Variants in AK5 observed in about 807,000 individuals in gnomAD.
The protein encoded by AK5 is adenylate kinase 5, also known as adenylate kinase isoenzyme 5.
Under a neutral mutation model 69.5 loss-of-function variants are expected in AK5, and 27 were observed. The ratio of observed to expected loss-of-function variants is 0.39; its 90% confidence interval spans 0.29 to 0.54. AK5 has a LOEUF of 0.54. Among genes scored for constraint, AK5 ranks in the 20% least tolerant of loss-of-function variants. The probability of loss-of-function intolerance (pLI) is 0.71; values close to 1 mark genes in which losing one functional copy is unlikely to be tolerated. For missense variants in AK5, 531 were observed against 700.4 expected, an observed-to-expected ratio of 0.76 and a Z score of 2.73; for synonymous variants, 260 against 244.4, an observed-to-expected ratio of 1.06 and a Z score of -0.60.
At chr1:77,376,575 A>G (rs1368259415) in intron 6 of AK5, among the ~76,000 whole-genome samples, 1 of 151,628 alleles carries the variant, frequency 6.6e-6, no homozygotes. Context: ...AACCATTAAC[A>G]TTTTAATGTT....
chr1:77,369,874 G>C (rs1212017635), intron 6 of AK5, among the ~76,000 whole-genome samples: 1 of 152,212 alleles, frequency 6.6e-6, no homozygotes, highest in African/African-American at 2.4e-5. Context: ...ACAAGTTTTA[G>C]AGTTAAGAGT....
chr1:77,450,480 A>G (rs1653075993), intron 8 of AK5, among the ~76,000 whole-genome samples: 1 of 152,212 alleles, frequency 6.6e-6, no homozygotes, highest in African/African-American at 2.4e-5. Context: ...GAAATATCAG[A>G]GTCAACAGTT....
At chr1:77,433,510 G>T (rs1175848352) in intron 8 of AK5, among the ~76,000 whole-genome samples, 2 of 148,906 alleles carry the variant, frequency 1.3e-5, no homozygotes, top group South Asian at 2.1e-4. Context: ...CAAAACTTTT[G>T]TGATAAAACC....
chr1:77,390,569 T>G (rs1362143556), intron 6 of AK5, among the ~76,000 whole-genome samples: 1 of 151,828 alleles, frequency 6.6e-6, no homozygotes, highest in Non-Finnish European at 1.5e-5. Context: ...TTGTAATGAG[T>G]GAATGAAAAA....
chr1:77,490,227 C>G (rs1284488962), intron 10 of AK5, among the ~76,000 whole-genome samples: 1 of 152,162 alleles, frequency 6.6e-6, no homozygotes, highest in Non-Finnish European at 1.5e-5. Flanking sequence ...TAATTAGGAG[C>G]CTAATCAGAT....
chr1:77,412,720 C>T (rs565846749), intron 7 of AK5, among the ~76,000 whole-genome samples: 2 of 152,240 alleles, frequency 1.3e-5, no homozygotes, highest in East Asian at 3.9e-4. Flanking sequence ...GGTCCCGCCA[C>T]TGTTTTTTTC....
At chr1:77,418,785 A>T (rs1532510) in intron 8 of AK5, among the ~76,000 whole-genome samples, 122,630 of 152,116 alleles carry the variant, frequency 0.81, 49,792 homozygotes, top group Middle Eastern at 0.9. Context: ...CAAACAGATC[A>T]GACCAGTGTC....
At chr1:77,460,684 A>G (rs1370889863) in intron 8 of AK5, among the ~76,000 whole-genome samples, 1 of 152,138 alleles carries the variant, frequency 6.6e-6, no homozygotes, top group Non-Finnish European at 1.5e-5. Context: ...TAAGCCAGGC[A>G]CAGAAAGACA....
intron 10 of AK5, among the ~76,000 whole-genome samples, chr1:77,516,822 C>T (rs984854865): frequency 6.6e-6 from 1 of 152,066 alleles, no homozygotes; most frequent in Non-Finnish European, 1.5e-5. Flanking sequence ...GTAATCCCAG[C>T]ATTTCAGGAG....
chr1:77,424,867 T>G (rs779470938), intron 8 of AK5, among the ~76,000 whole-genome samples: 100 of 152,296 alleles, frequency 6.6e-4, no homozygotes, highest in Non-Finnish European at 1.0e-3. Flanking sequence ...CAACATTAAC[T>G]GAGAATTTCC....
intron 8 of AK5, among the ~76,000 whole-genome samples, chr1:77,425,163 A>G (rs1047149174): frequency 6.6e-6 from 1 of 152,202 alleles, no homozygotes; most frequent in Non-Finnish European, 1.5e-5. Flanking sequence ...AGAATTCTGT[A>G]CTCGACAAAA....
At chr1:77,329,554 T>A (rs1660982931) in intron 5 of AK5, among the ~76,000 whole-genome samples, 1 of 152,184 alleles carries the variant, frequency 6.6e-6, no homozygotes, top group Non-Finnish European at 1.5e-5. Context: ...CCACTGTGCC[T>A]GGCCATATGA....
intron 13 of AK5, among the ~76,000 whole-genome samples, chr1:77,548,711 TCCATGGA>T (rs571031301): frequency 2.3e-3 from 346 of 152,260 alleles, no homozygotes; most frequent in Non-Finnish European, 3.8e-3. Flanking sequence ...GATTTACAAA[TCCATGGA>T]ACTAAAGAGG....
intron 6 of AK5, among the ~76,000 whole-genome samples, chr1:77,343,579 A>G (rs542597270): frequency 1.3e-5 from 2 of 152,302 alleles, no homozygotes; most frequent in African/African-American, 4.8e-5. Context: ...TGCCTGATTC[A>G]GATTCCAGCT....
In AK5 at chr1:77,559,361, C is replaced by CCAA. The variant is rs1660314040; in HGVS notation, c.*691_*692insCAA. 5.9e-5 allele frequency: 9 copies of CCAA among 152,262 alleles called. No individual in the cohort carries two copies. The highest frequency in any genetic ancestry group is 2.2e-4 in the African/African-American group (9 of 41,536). The allele number at this position is 152,262 out of a possible 1,614,324, so 9.4% of individuals were successfully genotyped here. On this transcript the variant is annotated 3_prime_UTR_variant, in exon 14 of 14. Coordinates refer to ENST00000354567, the MANE Select transcript of AK5 (RefSeq NM_174858.3). ...ATTTTTTAGAAACTTGGAATACTGT[C>CCAA]GTCATGGCTAAGAGAACAAATCTGA...
At chr1:77,509,580 C>G (rs1300397012) in intron 10 of AK5, among the ~76,000 whole-genome samples, 4 of 151,974 alleles carry the variant, frequency 2.6e-5, no homozygotes, top group African/African-American at 4.8e-5. Flanking sequence ...AACCTTAACC[C>G]AACATAGGGA....
intron 5 of AK5, among the ~76,000 whole-genome samples, chr1:77,333,220 G>C (rs1328743969): frequency 6.6e-6 from 1 of 152,012 alleles, no homozygotes; most frequent in African/African-American, 2.4e-5. Flanking sequence ...ACACCTCTGA[G>C]GCCCCACCTC....
intron 5 of AK5, among the ~76,000 whole-genome samples, chr1:77,318,301 T>G (rs553210039): frequency 2.0e-4 from 31 of 152,020 alleles, no homozygotes; most frequent in African/African-American, 7.5e-4. Context: ...AACAACTAGA[T>G]CTTGTGAGAA....
intron 8 of AK5, among the ~76,000 whole-genome samples, chr1:77,471,294 C>T (rs1237989327): frequency 1.3e-5 from 2 of 152,088 alleles, no homozygotes; most frequent in Non-Finnish European, 2.9e-5. Context: ...TCCCCTAAGC[C>T]CTAAGACACA....
Sources: gnomAD v4.1 joint callset for allele counts (sites outside exome capture counted in the v4.1 genomes callset) on GRCh38, gnomAD v4.1.1 for gene constraint, MANE v1.5 for transcripts, NCBI Gene and HGNC (gene_info 2026-07-23, HGNC 2026-07-21) for gene names.